The following NDUFS8 variants were observed in gnomAD, a reference collection of about 807,000 sequenced individuals.
NDUFS8 encodes the protein NADH dehydrogenase [ubiquinone] iron-sulfur protein 8, mitochondrial.
A neutral mutation model predicts 25.6 loss-of-function variants in NDUFS8; 13 were observed. The ratio of observed to expected loss-of-function variants is 0.51; its 90% CI spans 0.33 to 0.81. The LOEUF is 0.81. Ranked by LOEUF, NDUFS8 falls within the 30% of genes least tolerant of loss-of-function variation. NDUFS8 has a pLI of 0.02. For missense variants in NDUFS8, 257 were observed against 300.9 expected (o/e 0.85, Z 1.08); for synonymous variants, 119 against 119.4 (o/e 1.00, Z 0.02).
intron 1 of NDUFS8, 74 bp downstream of exon 1, chr11:68,030,807 TTG>T: frequency 2.6e-6 from 1 of 386,994 alleles, no homozygotes; most frequent in Non-Finnish European, 5.2e-6. Context: ...GGTGTCCCCG[TTG>T]GCGCCGCCAG....
intron 5 of NDUFS8, chr11:68,035,839 G>A: frequency 2.6e-6 from 1 of 391,900 alleles, no homozygotes; most frequent in Non-Finnish European, 5.1e-6. Flanking sequence ...TCTACATGGT[G>A]AAACCCCATC....
At chr11:68,035,687 G>A (rs1344946625) in intron 5 of NDUFS8, 5 of 455,382 alleles carry the variant, frequency 1.1e-5, no homozygotes, top group African/African-American at 6.0e-5. Flanking sequence ...GCCCCCTCGT[G>A]AGAGGGGGTT....
rs1245514846 is a variant in NDUFS8, at chr11:68,033,201, G to C, written c.290G>C (p.Gly97Ala). The change falls in exon 5 of 7, where the codon GGG (glycine) becomes GCG (alanine). Residue 97 changes from glycine (G) to alanine (A), a missense_variant. Gly to Ala is a moderately conservative substitution (Grantham distance 60). Coordinates refer to ENST00000313468, the MANE Select transcript of NDUFS8 (RefSeq NM_002496.4). ...EKGPLSPRFR[G>A]EHALRRYPSG... ...GGCCCGCTGAGCCCTCGCTTCCGTG[G>C]GGAGCATGCGCTGCGCCGGTACCCA... is the stretch of plus-strand genomic sequence containing the variant. 1 of 1,612,316 alleles carries C rather than the reference G, an allele frequency of 6.2e-7. No individual in the cohort carries two copies. The highest frequency in any genetic ancestry group is 8.5e-7 in the Non-Finnish European group (1 of 1,179,692).
At chr11:68,033,835 A>G (rs1238875488) in intron 5 of NDUFS8, 1 of 182,292 alleles carries the variant, frequency 5.5e-6, no homozygotes, top group Non-Finnish European at 1.2e-5. Context: ...CTGTGTGCAC[A>G]GCAACCCCTC....
rs569695304 is a variant in NDUFS8, at chr11:68,036,589, G to A, written c.629G>A (p.Arg210Gln). Reference sequence around the variant, plus strand: ...AACATCCAGGCTGACTACTTGTATCGGTGACGCCCCACCGGCCCGCAGCCC... The same window carrying A: ...AACATCCAGGCTGACTACTTGTATCAGTGACGCCCCACCGGCCCGCAGCCC... ...AANIQADYLY[R>Q] is the part of the protein sequence containing the mutation. The change falls in exon 7 of 7, where the codon CGG becomes CAG. Residue 210 changes from arginine to glutamine, a missense_variant. Arg to Gln is a conservative substitution (Grantham distance 43). Coordinates refer to ENST00000313468, the MANE Select transcript of NDUFS8 (RefSeq NM_002496.4). The A allele has an allele frequency of 1.7e-5, 27 of 1,613,556 alleles. No homozygotes were observed. Among genetic ancestry groups the A allele is most frequent in the Non-Finnish European group, 2.2e-5 (26 of 1,180,002 alleles).
chr11:68,032,259 T>C (rs1854779999), intron 2 of NDUFS8, 27 bp from the exon 3 acceptor site: 1 of 1,613,690 alleles, frequency 6.2e-7, no homozygotes, highest in Non-Finnish European at 8.5e-7. Flanking sequence ...AGTCTCCTGG[T>C]ATGACGTCAC....
At position 68,032,168 on chromosome 11, in the gene NDUFS8, C is replaced by T. The variant is rs754342395; in HGVS notation, c.17C>T (p.Thr6Met). 3.0e-5 allele frequency: 48 copies of T among 1,612,570 alleles called. No homozygotes were observed. The highest frequency in any genetic ancestry group is 3.8e-5 in the Non-Finnish European group (45 of 1,180,040). The change falls in exon 2 of 7, where the codon ACG becomes ATG. Residue 6 changes from threonine to methionine, a missense_variant. By Grantham distance (81) the Thr-to-Met change is moderately conservative (BLOSUM62 -1). Transcript: ENST00000313468. ...TGCCACCAGATGCGCTGCCTGACCACGCCTATGCTGCTGCGGGCCCTGGCC... is the reference window on the plus strand; with the variant it reads ...TGCCACCAGATGCGCTGCCTGACCATGCCTATGCTGCTGCGGGCCCTGGCC... MRCLT[T>M]PMLLRALAQA... is the part of the protein sequence containing the mutation.
At chr11:68,031,131 G>A in intron 1 of NDUFS8, 1 of 277,518 alleles carries the variant, frequency 3.6e-6, no homozygotes, top group Non-Finnish European at 7.3e-6. Context: ...AAGACCAACC[G>A]CCCCCAACCC....
chr11:68,033,508 T>C, intron 5 of NDUFS8: 2 of 644,572 alleles, frequency 3.1e-6, no homozygotes, highest in Non-Finnish European at 5.5e-6. Flanking sequence ...GGCAGGCGCC[T>C]GACACACAGA....
At chr11:68,034,123 T>G (rs1854833724) in intron 5 of NDUFS8, 1 of 154,386 alleles carries the variant, frequency 6.5e-6, no homozygotes, top group African/African-American at 2.4e-5. Flanking sequence ...GAGGTTATTG[T>G]CTCCATCTTT....
In NDUFS8 at chr11:68,033,256, G is replaced by C; in HGVS notation, c.345G>C (p.Lys115Asn). The C allele has an allele frequency of 6.2e-7, 1 of 1,608,888 alleles. No homozygotes were observed. The highest frequency in any genetic ancestry group is 8.5e-7 in the Non-Finnish European group (1 of 1,178,864). ...GGGAGGAGCGTTGCATTGCCTGCAA[G>C]CTCTGCGAGGCCATCTGCCCCGCCC... is the stretch of plus-strand genomic sequence containing the variant. Reference protein sequence around the residue: ...PSGEERCIACKLCEAICPAQA... With the variant: ...PSGEERCIACNLCEAICPAQA... Residue 115 changes from lysine (K) to asparagine (N), a missense_variant, in exon 5 of 7, where the codon AAG becomes AAC. Physicochemically the swap from Lys to Asn is moderately conservative, Grantham distance 94. Transcript: ENST00000313468.
rs7949657 is a variant in NDUFS8 at position 68,030,996 on chromosome 11, C to A, written c.-1+263C>A. On this transcript the variant is annotated intron_variant, in intron 1 of 6. Coordinates refer to ENST00000313468, the MANE Select transcript of NDUFS8 (RefSeq NM_002496.4). ...GTGCTGGGTTGGGTCCCTGGAACTG[C>A]AGTCAGTGATCCAAAGGAGTGGGCC... 1,614 of 397,724 alleles carry A rather than the reference C, an allele frequency of 4.1e-3. 19 individuals are homozygous for A. The highest frequency in any genetic ancestry group is 0.031 in the African/African-American group (1,478 of 46,978). 24.6% of individuals were successfully genotyped at this position (397,724 alleles called of 1,614,324 possible).
chr11:68,033,075 G>C (rs758561793), intron 4 of NDUFS8, 36 bp from the exon 5 acceptor site: 2 of 1,613,144 alleles, frequency 1.2e-6, no homozygotes, highest in Admixed American at 3.3e-5. Context: ...TGGGGGAGGA[G>C]GGTGCCCCTG....
intron 5 of NDUFS8, chr11:68,034,927 G>C (rs1179450926): frequency 6.6e-6 from 1 of 151,842 alleles, no homozygotes; most frequent in Non-Finnish European, 1.5e-5. Flanking sequence ...AAATTAGCCG[G>C]GTGTGGGGTT....
rs758247003 is a variant in NDUFS8, at chr11:68,032,973, C to T, written c.160C>T (p.Arg54Trp). Residue 54 changes from arginine to tryptophan, a missense_variant, in exon 4 of 7, where the codon CGG becomes TGG. Coordinates refer to ENST00000313468, the MANE Select transcript of NDUFS8 (RefSeq NM_002496.4). ...PEMDMKSVTD[R>W]AARTLLWTEL... Reference sequence around the variant, plus strand: ...GATGGACATGAAGTCAGTGACTGACCGGGCAGCCCGCACCCTGCTGTGGAC... The same window carrying T: ...GATGGACATGAAGTCAGTGACTGACTGGGCAGCCCGCACCCTGCTGTGGAC... 12 of 1,613,752 alleles carry T rather than the reference C, an allele frequency of 7.4e-6. No individual in the cohort carries two copies. The highest frequency in any genetic ancestry group is 2.2e-5 in the East Asian group (1 of 44,898).
At chr11:68,031,356 C>CT (rs1015334371) in intron 1 of NDUFS8, among the ~76,000 whole-genome samples, 16 of 152,014 alleles carry the variant, frequency 1.1e-4, no homozygotes, top group Non-Finnish European at 1.5e-4. Flanking sequence ...ACTTTTTTAT[C>CT]TTTTTTTTGA....
rs565881945 is a variant in NDUFS8, at chr11:68,036,315, C to T, written c.435C>T (p.Ile145=). 10 of 1,613,656 alleles carry T rather than the reference C, an allele frequency of 6.2e-6. No individual in the cohort carries two copies. Among genetic ancestry groups the T allele is most frequent in the Non-Finnish European group, 8.5e-6 (10 of 1,179,986 alleles). The part of the protein sequence containing the change: ...DGSRRTTRYD[I]DMTKCIYCGF... ...GCCGCCGGACCACCCGCTATGACAT[C>T]GACATGACCAAGTGCATCTACTGCG... Residue 145 remains isoleucine, a synonymous_variant, in exon 6 of 7, where the codon ATC becomes ATT. Transcript: ENST00000313468.
intron 1 of NDUFS8, 143 bp downstream of exon 1, chr11:68,030,876 A>G (rs1164334752): frequency 2.5e-6 from 1 of 397,230 alleles, no homozygotes; most frequent in Non-Finnish European, 5.1e-6. Context: ...CGTGTCCTTC[A>G]GGTGCAGCGG....
At position 68,036,487 on chromosome 11, in the gene NDUFS8, A is replaced by T. The variant is rs1359738110; in HGVS notation, c.527A>T (p.Glu176Val). 3.7e-6 allele frequency: 6 copies of T among 1,613,984 alleles called. No homozygotes were observed. The African/African-American group carries it at 8.0e-5, about 22-fold the overall frequency. The change falls in exon 7 of 7, where the codon GAG becomes GTG. Residue 176 changes from glutamate (E) to valine (V), a missense_variant. By Grantham distance (121) the Glu-to-Val change is moderately radical (BLOSUM62 -2). Coordinates refer to ENST00000313468, the MANE Select transcript of NDUFS8 (RefSeq NM_002496.4). Reference protein sequence around the residue: ...VEGPNFEFSTETHEELLYNKE... With the variant: ...VEGPNFEFSTVTHEELLYNKE... The stretch of plus-strand genomic sequence containing the variant: ...GGCCCCAACTTTGAGTTCTCCACGG[A>T]GACCCATGAGGAGCTGCTGTACAAC...
Sources: gnomAD v4.1 joint callset for allele counts (sites outside exome capture counted in the v4.1 genomes callset) on GRCh38, gnomAD v4.1.1 for gene constraint, MANE v1.5 for transcripts, NCBI Gene and HGNC (gene_info 2026-07-23, HGNC 2026-07-21) for gene names.